The following TEKT5 variants were observed in gnomAD, a reference collection of about 807,000 sequenced individuals.
The protein encoded by TEKT5 is tektin-5.
A neutral mutation model predicts 48.7 loss-of-function variants in TEKT5; 52 were observed. That is an observed-to-expected ratio of 1.07 (90% CI 0.86 to 1.35). The LOEUF (loss-of-function observed/expected upper bound fraction) is 1.35. Ranked by LOEUF, TEKT5 falls within the 40% of genes most tolerant of loss-of-function variation. The probability of loss-of-function intolerance (pLI) is 0.00; values close to 1 mark genes in which losing one functional copy is unlikely to be tolerated. For missense variants in TEKT5, 831 were observed against 641.6 expected, an observed-to-expected ratio of 1.30 and a Z score of -3.19; for synonymous variants, 318 against 267.6, an observed-to-expected ratio of 1.19 and a Z score of -1.84.
chr16:10,694,394 G>C lies in TEKT5; in HGVS notation c.480C>G (p.Asp160Glu). 6.2e-7 allele frequency: 1 copy of C among 1,614,130 alleles called. No homozygotes were observed. The change falls in exon 1 of 7, where the codon GAC becomes GAG. Residue 160 changes from aspartate (D) to glutamate (E), a missense_variant. Transcript: ENST00000283025. ...AGTTCTGGTTCTCAGTCAGAAGCCTGTCCAGCTCATAGCTCAGCTCTGACT... is the reference window on the plus strand; with the variant it reads ...AGTTCTGGTTCTCAGTCAGAAGCCTCTCCAGCTCATAGCTCAGCTCTGACT... ...FWKSELSYEL[D>E]RLLTENQNLE...
intron 4 of TEKT5, among the ~76,000 whole-genome samples, chr16:10,677,161 A>G (rs557262041): frequency 6.6e-6 from 1 of 152,358 alleles, no homozygotes; most frequent in African/African-American, 2.4e-5. Context: ...ACTGCACTCC[A>G]GCCTGGGCAA....
chr16:10,629,872 C>T (rs979514090), intron 6 of TEKT5, among the ~76,000 whole-genome samples: 4 of 152,328 alleles, frequency 2.6e-5, no homozygotes, highest in East Asian at 3.9e-4. Flanking sequence ...TGGGCTGCCC[C>T]GTACTACTTC....
At chr16:10,639,527 T>G (rs78520811) in intron 5 of TEKT5, among the ~76,000 whole-genome samples, 3,418 of 152,180 alleles carry the variant, frequency 0.022, 131 homozygotes, top group African/African-American at 0.079. Flanking sequence ...AAAAGTGCCC[T>G]CCCATCAAGT....
chr16:10,681,377 GTCTCTC>G (rs59484637), intron 4 of TEKT5, among the ~76,000 whole-genome samples: 522 of 38,776 alleles, frequency 0.013, 10 homozygotes, highest in Middle Eastern at 0.059. Flanking sequence ...TCCACTCTCT[GTCTCTC>G]TCTCTCTCTC....
intron 5 of TEKT5, among the ~76,000 whole-genome samples, chr16:10,646,638 T>C (rs1386953304): frequency 6.6e-6 from 1 of 152,064 alleles, no homozygotes; most frequent in African/African-American, 2.4e-5. Context: ...TGTATTAGCT[T>C]AAGAAAAAAT....
rs1898523521 is a variant in TEKT5, at chr16:10,669,830, G to C, written c.1086+6129C>G. ...GAAGTTTCCAGGGCCCTGGGTCTCA[G>C]AGGAATCAGCACTCAAAGGCAGCAA... On this transcript the variant is annotated intron_variant, in intron 5 of 6. Transcript: ENST00000283025. 2.6e-5 allele frequency among the ~76,000 whole-genome samples: 4 copies of C among 152,290 alleles called. No homozygotes were observed. In the South Asian group the frequency reaches 8.3e-4, roughly 32 times the overall value.
At chr16:10,643,036 C>A (rs1299869633) in intron 5 of TEKT5, among the ~76,000 whole-genome samples, 1 of 152,198 alleles carries the variant, frequency 6.6e-6, no homozygotes, top group Non-Finnish European at 1.5e-5. Flanking sequence ...ACCCTGATCA[C>A]TACACATGGT....
rs1459589182 is a variant in TEKT5 at position 10,627,602 on chromosome 16, C to T, written c.1439G>A (p.Arg480His). The change falls in exon 7 of 7, where the codon CGC becomes CAC. Residue 480 changes from arginine to histidine, a missense_variant. By Grantham distance (29) the Arg-to-His change is conservative. Coordinates refer to ENST00000283025, the MANE Select transcript of TEKT5 (RefSeq NM_144674.2). ...CGGTGCTCAGGTGTGGCCCACCAGG[C>T]GCGGGGTGCAGGGGAAGGTCTTACG... ...GMRKTFPCTP[R>H]LVGHT 10 of 1,614,040 alleles carry T rather than the reference C, an allele frequency of 6.2e-6. No homozygotes were observed. Among genetic ancestry groups the T allele is most frequent in the Admixed American group, 3.3e-5 (2 of 60,008 alleles).
chr16:10,676,218 A>G (rs2719711), intron 4 of TEKT5, 37 bp from the exon 5 acceptor site: 719,380 of 1,603,248 alleles, frequency 0.45, 174,865 homozygotes, highest in East Asian at 0.82. Flanking sequence ...GCAGTCCTGG[A>G]AGACCTCAGA....
intron 6 of TEKT5, 138 bp downstream of exon 6, chr16:10,635,626 G>C: frequency 1.5e-6 from 2 of 1,323,940 alleles, no homozygotes; most frequent in South Asian, 2.8e-5. Flanking sequence ...GCACTCTACT[G>C]AGTTGTGGGA....
chr16:10,632,898 A>T (rs1897858932), intron 6 of TEKT5, among the ~76,000 whole-genome samples: 1 of 150,446 alleles, frequency 6.6e-6, no homozygotes, highest in Non-Finnish European at 1.5e-5. Flanking sequence ...ACACACACAC[A>T]CACACACACA....
intron 5 of TEKT5, among the ~76,000 whole-genome samples, chr16:10,663,069 A>C (rs1898401924): frequency 6.6e-6 from 1 of 152,174 alleles, no homozygotes; most frequent in African/African-American, 2.4e-5. Flanking sequence ...CTGCACCCAG[A>C]ATGTGGAAAG....
At chr16:10,680,156 G>T (rs187377011) in intron 4 of TEKT5, among the ~76,000 whole-genome samples, 1 of 152,338 alleles carries the variant, frequency 6.6e-6, no homozygotes, top group Admixed American at 6.5e-5. Context: ...AGCCCCCAAA[G>T]TCCTGCTCAC....
In TEKT5 at chr16:10,650,503, G is replaced by A. The variant is rs77899395; in HGVS notation, c.1087-14585C>T. Among the ~76,000 whole-genome samples the A allele has an allele frequency of 8.6e-3, 1,301 of 152,150 alleles. 21 individuals are homozygous for A. Among genetic ancestry groups the A allele is most frequent in the African/African-American group, 0.029 (1,193 of 41,488 alleles). On this transcript the variant is annotated intron_variant, in intron 5 of 6. Transcript: ENST00000283025. ...CCAAGGCAAATCTGCCCATGTGGGT[G>A]TGCACTCTGCCAAAAAACATGCCCC...
At chr16:10,664,945 C>T (rs908051255) in intron 5 of TEKT5, among the ~76,000 whole-genome samples, 6 of 152,196 alleles carry the variant, frequency 3.9e-5, no homozygotes, top group Non-Finnish European at 5.9e-5. Flanking sequence ...TCATTACTCC[C>T]ATTTGACAGA....
intron 5 of TEKT5, among the ~76,000 whole-genome samples, chr16:10,664,779 A>C (rs973058525): frequency 3.9e-5 from 6 of 152,204 alleles, no homozygotes; most frequent in Admixed American, 6.5e-5. Flanking sequence ...ACCAAAATTC[A>C]AACCAGGTGC....
intron 6 of TEKT5, among the ~76,000 whole-genome samples, chr16:10,631,180 C>T (rs1046587223): frequency 6.8e-6 from 1 of 148,082 alleles, no homozygotes; most frequent in African/African-American, 2.5e-5. Context: ...TGCTTGAACC[C>T]GGGAGGCAGA....
chr16:10,688,738 A>G (rs1289372245), intron 3 of TEKT5, among the ~76,000 whole-genome samples: 1 of 152,228 alleles, frequency 6.6e-6, no homozygotes, highest in Non-Finnish European at 1.5e-5. Flanking sequence ...GATACTGGTT[A>G]CATAATCTTG....
At chr16:10,658,727 T>TCTTG (rs1555466064) in intron 5 of TEKT5, among the ~76,000 whole-genome samples, 2 of 143,080 alleles carry the variant, frequency 1.4e-5, no homozygotes, top group African/African-American at 5.3e-5. Context: ...TCTTTTTCTT[T>TCTTG]TTTTTTTTGA....
Sources: allele counts gnomAD v4.1 joint callset (sites outside exome capture counted in the v4.1 genomes callset), GRCh38; gene constraint gnomAD v4.1.1; transcripts MANE v1.5; gene names NCBI Gene and HGNC (gene_info 2026-07-23, HGNC 2026-07-21).